Variants in ATP11C observed in about 807,000 individuals in gnomAD.
The protein encoded by ATP11C is ATPase phospholipid transporting 11C (ATP11C blood group).
Under a neutral mutation model 97.4 loss-of-function variants are expected in ATP11C, and 36 were observed. The ratio of observed to expected loss-of-function variants is 0.37; its 90% CI spans 0.28 to 0.49. ATP11C has a LOEUF of 0.49. ATP11C is among the 20% of genes least tolerant of loss of function. The pLI is 0.98. For synonymous variants in ATP11C, 275 were observed against 290.9 expected (o/e 0.95, Z 0.56); for missense variants, 730 against 824.6 (o/e 0.89, Z 1.40).
intron 12 of ATP11C, among the ~76,000 whole-genome samples, chrX:139,793,626 C>T (rs2082736985): frequency 9.0e-6 from 1 of 111,241 alleles, no homozygotes; most frequent in South Asian, 3.8e-4. Context: ...AGGAAAATCT[C>T]TTTATCTCTA....
At chrX:139,884,497 ATTT>A (rs1360120172) in intron 1 of ATP11C, among the ~76,000 whole-genome samples, 1 of 111,546 alleles carries the variant, frequency 9.0e-6, no homozygotes, top group East Asian at 2.8e-4. Context: ...GGAATACTTT[ATTT>A]TTTATTTTGA....
chrX:139,787,026 C>T (rs2082587257), intron 15 of ATP11C, 147 bp downstream of exon 15: 1 of 842,918 alleles, frequency 1.2e-6, no homozygotes, highest in Admixed American at 3.9e-5. Flanking sequence ...TGGCTTCTAC[C>T]CCAACTATAT....
chrX:139,922,595 G>C (rs1245145391), intron 1 of ATP11C, among the ~76,000 whole-genome samples: 2 of 108,394 alleles, frequency 1.8e-5, no homozygotes, highest in Non-Finnish European at 3.8e-5. Flanking sequence ...AATGGGATTA[G>C]TGCCCTAGGG....
At chrX:139,934,410 A>G (rs2085499738), upstream of ATP11C, among the ~76,000 whole-genome samples, 1 of 110,974 alleles carries the variant, frequency 9.0e-6, no homozygotes, top group African/African-American at 3.3e-5. Context: ...CCTGTATCTA[A>G]TGATTTTTAA....
rs1350829490 is a variant in ATP11C, at chrX:139,919,427, C to G, written c.27+12589G>C. On this transcript the variant is annotated intron_variant, in intron 1 of 29. Coordinates refer to ENST00000682941, the MANE Select transcript of ATP11C (RefSeq NM_001353812.2). ...AGGTTGCAGTGAGCAGAGATCGCAG[C>G]ACTGCACTCAAACTTAAACACACAC... is the stretch of plus-strand genomic sequence containing the variant. Among the ~76,000 whole-genome samples, 7 of 97,824 alleles carry G rather than the reference C, an allele frequency of 7.2e-5. No individual in the cohort carries two copies. In the East Asian group the frequency reaches 2.3e-3, roughly 32 times the overall value. 84.9% of individuals were successfully genotyped at this position (97,824 alleles called of 115,157 possible). A position where few individuals can be genotyped will look rare whatever the true frequency, so the allele number is the denominator to read the frequency against.
intron 26 of ATP11C, 133 bp downstream of exon 26, chrX:139,743,426 A>G (rs1603338870): frequency 7.6e-6 from 3 of 393,869 alleles, no homozygotes; most frequent in African/African-American, 2.5e-5. Flanking sequence ...CATTTTAGTA[A>G]GTATTAAGGC....
chrX:139,731,577 A>G, intron 29 of ATP11C, 74 bp downstream of exon 29: 1 of 588,087 alleles, frequency 1.7e-6, no homozygotes, highest in East Asian at 4.0e-5. Context: ...TTAGAGAGTG[A>G]TATTTTCATT....
intron 29 of ATP11C, among the ~76,000 whole-genome samples, chrX:139,730,293 G>A (rs1027485771): frequency 9.0e-6 from 1 of 111,148 alleles, no homozygotes; most frequent in African/African-American, 3.3e-5. Context: ...AGCAATCCAG[G>A]GGGATACAAA....
chrX:139,742,869 AAAAAAAAAT>A (rs1207091412), intron 26 of ATP11C, among the ~76,000 whole-genome samples: 2 of 23,282 alleles, frequency 8.6e-5, no homozygotes, highest in African/African-American at 3.6e-4. Context: ...TAAATTAAAA[AAAAAAAAAT>A]ATATATATAT....
chrX:139,732,350 A>G (rs2081362208), intron 28 of ATP11C: 4 of 262,989 alleles, frequency 1.5e-5, no homozygotes, highest in Non-Finnish European at 3.0e-5. Context: ...ATGAGTCATG[A>G]GAAGTAATTT....
chrX:139,767,313 T>G (rs1467158086), intron 20 of ATP11C, among the ~76,000 whole-genome samples: 1 of 111,149 alleles, frequency 9.0e-6, no homozygotes, highest in Non-Finnish European at 1.9e-5. Context: ...TTGGACTAGT[T>G]GGGCAGTAAA....
chrX:139,811,129 G>A (rs907029079), intron 5 of ATP11C, among the ~76,000 whole-genome samples: 1 of 110,927 alleles, frequency 9.0e-6, no homozygotes. Context: ...TGATTGAGAG[G>A]TGTCTTACTA....
At position 139,738,009 on chromosome X, in the gene ATP11C, G is replaced by A. The variant is rs757503094; in HGVS notation, c.3195C>T (p.Ser1065=). ...TTAGAAGAATTATAGCCAACCATGT[G>A]GATACAGAAGACAGCATTTGGGCAA... ...FVFAQMLSSV[S]TWLAIILLIF... The change falls in exon 28 of 30, where the codon TCC becomes TCT. Residue 1065 remains serine (S), a synonymous_variant. Transcript: ENST00000682941. The A allele has an allele frequency of 1.7e-5, 20 of 1,202,382 alleles. No individual in the cohort carries two copies. The highest frequency in any genetic ancestry group is 2.2e-5 in the Non-Finnish European group (20 of 890,310).
chrX:139,872,548 T>C (rs1172726093), intron 1 of ATP11C, among the ~76,000 whole-genome samples: 1 of 102,302 alleles, frequency 9.8e-6, no homozygotes, highest in Non-Finnish European at 1.9e-5. Flanking sequence ...GTGTGTGATG[T>C]TCCCCACCCT....
intron 1 of ATP11C, among the ~76,000 whole-genome samples, chrX:139,907,514 T>C (rs1334390930): frequency 1.8e-5 from 2 of 110,968 alleles, no homozygotes; most frequent in African/African-American, 3.3e-5. Context: ...TTTGGGAGGC[T>C]GAGCGGGGCA....
rs751233833 is a variant in ATP11C, at chrX:139,778,698, A to G, written c.1953-3745T>C. Among the ~76,000 whole-genome samples, 20 of 111,098 alleles carry G rather than the reference A, an allele frequency of 1.8e-4. No homozygotes were observed. In the South Asian group the frequency reaches 6.3e-3, roughly 35 times the overall value. ...ACAAAAATTAGCTGAGTGTGGTGGC[A>G]GGCAACCCGTAGTCCCAGCTACTCA... On this transcript the variant is annotated intron_variant, in intron 18 of 29. Coordinates refer to ENST00000682941, the MANE Select transcript of ATP11C (RefSeq NM_001353812.2).
chrX:139,759,329 T>C (rs904141031), intron 22 of ATP11C, among the ~76,000 whole-genome samples: 12 of 111,938 alleles, frequency 1.1e-4, no homozygotes, highest in African/African-American at 1.9e-4. Flanking sequence ...TGTTCACCGA[T>C]TGAATAAACA....
At chrX:139,775,808 C>T (rs1000459369) in intron 18 of ATP11C, among the ~76,000 whole-genome samples, 11 of 112,724 alleles carry the variant, frequency 9.8e-5, no homozygotes, top group Non-Finnish European at 2.1e-4. Flanking sequence ...CCCTCAGACC[C>T]AAACTTAGAG....
chrX:139,894,993 T>C (rs1238960933), intron 1 of ATP11C, among the ~76,000 whole-genome samples: 1 of 111,316 alleles, frequency 9.0e-6, no homozygotes, highest in Non-Finnish European at 1.9e-5. Flanking sequence ...GAGGCAGAGG[T>C]TGCAGTGAGC....
Sources: gnomAD v4.1 joint callset for allele counts (sites outside exome capture counted in the v4.1 genomes callset) on GRCh38, gnomAD v4.1.1 for gene constraint, MANE v1.5 for transcripts, NCBI Gene and HGNC (gene_info 2026-07-23, HGNC 2026-07-21) for gene names.